Variants in ZDHHC15 observed in about 807,000 individuals in gnomAD.
ZDHHC15 encodes palmitoyltransferase ZDHHC15.
Under a neutral mutation model 31.7 loss-of-function variants are expected in ZDHHC15, and 19 were observed. The ratio of observed to expected loss-of-function variants is 0.60; its 90% CI spans 0.42 to 0.88. The LOEUF is 0.88. Ranked by LOEUF, ZDHHC15 falls within the 40% of genes least tolerant of loss-of-function variation. The probability of loss-of-function intolerance (pLI) is 0.00; values close to 1 mark genes in which losing one functional copy is unlikely to be tolerated. For synonymous variants in ZDHHC15, 103 were observed against 90.0 expected (o/e 1.14, Z -0.82); for missense variants, 209 against 251.2 (o/e 0.83, Z 1.14).
chrX:75,453,738 G>A (rs1019838102), intron 3 of ZDHHC15, among the ~76,000 whole-genome samples: 1 of 110,836 alleles, frequency 9.0e-6, no homozygotes, highest in Non-Finnish European at 1.9e-5. Context: ...TTCAACATAT[G>A]AAAATCAATA....
At chrX:75,425,982 G>T (rs2083709915) in intron 7 of ZDHHC15, among the ~76,000 whole-genome samples, 1 of 111,193 alleles carries the variant, frequency 9.0e-6, no homozygotes, top group Non-Finnish European at 1.9e-5. Context: ...AATTGCATAG[G>T]GGCAGAGCAG....
intron 1 of ZDHHC15, among the ~76,000 whole-genome samples, chrX:75,518,804 TATACACACAC>T (rs1373122823): frequency 3.4e-3 from 81 of 23,732 alleles, no homozygotes; most frequent in Admixed American, 9.2e-3. Flanking sequence ...TATATATATA[TATACACACAC>T]ACACACACAC....
intron 1 of ZDHHC15, among the ~76,000 whole-genome samples, chrX:75,515,037 T>A (rs1048249705): frequency 3.6e-5 from 4 of 111,527 alleles, no homozygotes; most frequent in Admixed American, 1.9e-4. Flanking sequence ...AGAAGTTGAA[T>A]TCCTGAATAG....
chrX:75,496,202 C>G (rs779360103), intron 2 of ZDHHC15, among the ~76,000 whole-genome samples: 1 of 110,832 alleles, frequency 9.0e-6, no homozygotes, highest in African/African-American at 3.3e-5. Flanking sequence ...ACCAGAGTAG[C>G]TATTCTTATA....
intron 10 of ZDHHC15, among the ~76,000 whole-genome samples, chrX:75,387,711 T>C (rs1439046695): frequency 9.0e-6 from 1 of 110,919 alleles, no homozygotes; most frequent in Non-Finnish European, 1.9e-5. Context: ...CAAGAGGGAG[T>C]TGAGCAAGAG....
chrX:75,455,216 C>CA (rs1231462000), intron 3 of ZDHHC15, among the ~76,000 whole-genome samples: 1 of 111,103 alleles, frequency 9.0e-6, no homozygotes, highest in Non-Finnish European at 1.9e-5. Context: ...TAACACCACA[C>CA]ATGTATAACC....
intron 10 of ZDHHC15, among the ~76,000 whole-genome samples, chrX:75,409,088 G>GA (rs1488069498): frequency 8.9e-6 from 1 of 111,748 alleles, no homozygotes; most frequent in African/African-American, 3.3e-5. Flanking sequence ...CACAGAAATG[G>GA]AAAAAATAAT....
At chrX:75,505,187 C>T (rs190349626) in intron 2 of ZDHHC15, among the ~76,000 whole-genome samples, 80 of 111,270 alleles carry the variant, frequency 7.2e-4, no homozygotes, top group African/African-American at 2.5e-3. Context: ...GGTAGGTTAA[C>T]GAATTATAAC....
chrX:75,429,902 C>A (rs749397197), intron 6 of ZDHHC15, 46 bp downstream of exon 6: 4 of 1,171,900 alleles, frequency 3.4e-6, no homozygotes, highest in Admixed American at 2.4e-5. Context: ...TATAATTGAG[C>A]AACTTTGACC....
chrX:75,505,896 T>TGA (rs761788572), intron 1 of ZDHHC15, 49 bp from the exon 2 acceptor site: 221 of 1,011,965 alleles, frequency 2.2e-4, no homozygotes, highest in African/African-American at 3.8e-4. Flanking sequence ...CAGAGATGGA[T>TGA]GAGAGAGAGA....
Position 75,505,828 on chromosome X carries a change from T to A in ZDHHC15, c.156A>T (p.Ala52=). 8.3e-7 allele frequency: 1 copy of A among 1,209,257 alleles called. No individual in the cohort carries two copies. The highest frequency in any genetic ancestry group is 1.1e-6 in the Non-Finnish European group (1 of 893,921). The part of the protein sequence containing the change: ...ELCLVTVLSP[A]EKVIYLILYH... ...TTTCCAACATCATCTTACCTTTTTC[T>A]GCTGGGCTCAAAACAGTCACTGTGA... is the stretch of plus-strand genomic sequence containing the variant. The change falls in exon 2 of 12, where the codon GCA becomes GCT. Residue 52 remains alanine, a synonymous_variant. Transcript: ENST00000373367.
chrX:75,419,735 G>A lies in ZDHHC15; in HGVS notation c.863+2129C>T, dbSNP rs2083598654. Among the ~76,000 whole-genome samples the A allele has an allele frequency of 4.6e-5, 5 of 109,449 alleles. No individual in the cohort carries two copies. In the South Asian group the frequency reaches 2.0e-3, roughly 44 times the overall value. ...CAATGATAGACTGGATTAAGAAAAT[G>A]TGACACATATACACCATGGAATACT... On this transcript the variant is annotated intron_variant, in intron 9 of 11. Coordinates refer to ENST00000373367, the MANE Select transcript of ZDHHC15 (RefSeq NM_144969.3).
chrX:75,499,714 C>T (rs775351555), intron 2 of ZDHHC15, among the ~76,000 whole-genome samples: 80 of 111,963 alleles, frequency 7.1e-4, no homozygotes, highest in Non-Finnish European at 6.4e-4. Flanking sequence ...GAAAACATTA[C>T]GGAGATTCCC....
intron 3 of ZDHHC15, among the ~76,000 whole-genome samples, chrX:75,456,097 C>T (rs1038688132): frequency 5.4e-5 from 6 of 111,614 alleles, no homozygotes; most frequent in African/African-American, 6.5e-5. Context: ...AGACTTGGAA[C>T]CAACCCAAAT....
intron 2 of ZDHHC15, among the ~76,000 whole-genome samples, chrX:75,484,728 A>G (rs1183878168): frequency 8.9e-6 from 1 of 112,075 alleles, no homozygotes; most frequent in African/African-American, 3.2e-5. Flanking sequence ...TTTACTCAAG[A>G]GAAACAAAAA....
intron 10 of ZDHHC15, among the ~76,000 whole-genome samples, chrX:75,409,623 C>T (rs1343745481): frequency 4.7e-5 from 5 of 105,723 alleles, no homozygotes; most frequent in East Asian, 2.9e-4. Context: ...GGTGAAACCC[C>T]GTCTCTACTA....
At chrX:75,445,779 T>C (rs775324287) in intron 4 of ZDHHC15, among the ~76,000 whole-genome samples, 7 of 111,758 alleles carry the variant, frequency 6.3e-5, no homozygotes, top group Non-Finnish European at 1.1e-4. Context: ...AAGACCCTTA[T>C]GAAGCCAGGG....
At chrX:75,466,515 C>A (rs974668498) in intron 3 of ZDHHC15, among the ~76,000 whole-genome samples, 1 of 110,743 alleles carries the variant, frequency 9.0e-6, no homozygotes, top group Non-Finnish European at 1.9e-5. Flanking sequence ...GAGGCCTGCC[C>A]AGCCATGTGT....
At chrX:75,477,675 C>A (rs1395682762) in intron 3 of ZDHHC15, among the ~76,000 whole-genome samples, 1 of 111,065 alleles carries the variant, frequency 9.0e-6, no homozygotes, top group Non-Finnish European at 1.9e-5. Flanking sequence ...ATATAACCAC[C>A]CTTGCTCTGT....
Sources: allele counts gnomAD v4.1 joint callset (sites outside exome capture counted in the v4.1 genomes callset), GRCh38; gene constraint gnomAD v4.1.1; transcripts MANE v1.5; gene names NCBI Gene and HGNC (gene_info 2026-07-23, HGNC 2026-07-21).